The following PEPD variants were observed in gnomAD, a reference collection of about 807,000 sequenced individuals.
The protein encoded by PEPD is peptidase D, also known as xaa-Pro dipeptidase.
In PEPD, 53 loss-of-function variants were observed where a neutral mutation model predicts 60.7. The ratio of observed to expected loss-of-function variants is 0.87; its 90% CI spans 0.70 to 1.10. PEPD has a LOEUF of 1.10. Ranked by LOEUF, PEPD falls within the 50% of genes least tolerant of loss-of-function variation. The probability of loss-of-function intolerance (pLI) is 0.00; values close to 1 mark genes in which losing one functional copy is unlikely to be tolerated. For missense variants in PEPD, 711 were observed against 711.9 expected (o/e 1.00, Z 0.01); for synonymous variants, 267 against 284.1 (o/e 0.94, Z 0.60).
At chr19:33,455,768 A>C (rs902815376) in intron 9 of PEPD, among the ~76,000 whole-genome samples, 1 of 147,162 alleles carries the variant, frequency 6.8e-6, no homozygotes, top group African/African-American at 2.5e-5. Context: ...CCTGCCTTGG[A>C]CTCCCAAAGT....
rs1206599265 is a variant in PEPD, at chr19:33,391,365, GC to G, written c.1081del (p.Ala361ProfsTer97). ...VDAMVQAHLG[A>X]VFMPHGLGHF... The stretch of plus-strand genomic sequence containing the variant: ...GCCAAGCCCGTGAGGCATAAACACG[GC>G]CCCCAGGTGAGCCTGGACCATGGCG... On this transcript the variant is annotated frameshift_variant, in exon 13 of 15. Coordinates refer to ENST00000244137, the MANE Select transcript of PEPD (RefSeq NM_000285.4). LOFTEE classifies it high-confidence loss of function. 3 of 1,609,046 alleles carry G rather than the reference GC, an allele frequency of 1.9e-6. No individual in the cohort carries two copies. Among genetic ancestry groups the G allele is most frequent in the Non-Finnish European group, 2.5e-6 (3 of 1,178,200 alleles).
chr19:33,398,309 C>T (rs10418558), intron 12 of PEPD, among the ~76,000 whole-genome samples: 31,210 of 152,230 alleles, frequency 0.21, 3,607 homozygotes, highest in East Asian at 0.28. Context: ...GAGGCTCAGC[C>T]CCTTGCAGCC....
chr19:33,387,196 C>T lies in PEPD; in HGVS notation c.*148G>A. The stretch of plus-strand genomic sequence containing the variant: ...AAAAAAGTGTTTCCTCCCCGGGAAA[C>T]AGCACTGTTTGGTCTGATCAAATGC... On this transcript the variant is annotated 3_prime_UTR_variant, in exon 15 of 15. Transcript: ENST00000244137. 2 of 883,298 alleles carry T rather than the reference C, an allele frequency of 2.3e-6. No homozygotes were observed. The highest frequency in any genetic ancestry group is 1.6e-5 in the South Asian group (1 of 64,380). The allele number at this position is 883,298 out of a possible 1,614,324, so 54.7% of individuals were successfully genotyped here.
intron 9 of PEPD, among the ~76,000 whole-genome samples, chr19:33,452,608 C>T (rs1969718181): frequency 6.6e-6 from 1 of 151,932 alleles, no homozygotes; most frequent in South Asian, 2.1e-4. Context: ...AAAACAGCTA[C>T]AGATATAAAG....
chr19:33,396,972 A>T (rs1968380854), intron 12 of PEPD, among the ~76,000 whole-genome samples: 1 of 151,964 alleles, frequency 6.6e-6, no homozygotes, highest in African/African-American at 2.4e-5. Flanking sequence ...GCCTCCCCCC[A>T]TTCCCCTCAC....
intron 5 of PEPD, among the ~76,000 whole-genome samples, chr19:33,491,342 C>T (rs1249702774): frequency 6.6e-6 from 1 of 151,988 alleles, no homozygotes; most frequent in African/African-American, 2.4e-5. Flanking sequence ...CCCAGCTACT[C>T]AGGAGGCTGA....
At chr19:33,456,752 A>G (rs1019944313) in intron 9 of PEPD, among the ~76,000 whole-genome samples, 1 of 152,092 alleles carries the variant, frequency 6.6e-6, no homozygotes, top group African/African-American at 2.4e-5. Flanking sequence ...CTGGACCCAG[A>G]CTTGTTCCAA....
chr19:33,420,527 A>C (rs1464319512), intron 9 of PEPD, among the ~76,000 whole-genome samples: 1 of 152,026 alleles, frequency 6.6e-6, no homozygotes, highest in Non-Finnish European at 1.5e-5. Flanking sequence ...ACATGGTAAA[A>C]CCCGTCTCTA....
At position 33,481,423 on chromosome 19, in the gene PEPD, G is replaced by A. The variant is rs746142497; in HGVS notation, c.504-3333C>T. Among the ~76,000 whole-genome samples the A allele has an allele frequency of 1.6e-4, 25 of 151,930 alleles. No homozygotes were observed. The South Asian group carries it at 2.3e-3, about 14-fold the overall frequency. On this transcript the variant is annotated intron_variant, in intron 6 of 14. Transcript: ENST00000244137. ...CTCTACGAAAATACAAAAATTAGCCGGGCGTGGTGGCTTGTGCCTGTAGTC... is the reference window on the plus strand; with the variant it reads ...CTCTACGAAAATACAAAAATTAGCCAGGCGTGGTGGCTTGTGCCTGTAGTC...
chr19:33,401,767 C>CTCATAGA lies in PEPD; in HGVS notation c.914_920dup (p.Glu307AspfsTer3), dbSNP rs1968497386. On this transcript the variant is annotated stop_gained and frameshift_variant, in exon 12 of 15. Transcript: ENST00000244137. LOFTEE classifies it high-confidence loss of function. ...CGGCACGGGAGCTCCGCAGCACTGC[C>CTCATAGA]TCATAGACGGCCTTCTGGTCTGCAG... 1.9e-6 allele frequency: 3 copies of CTCATAGA among 1,611,316 alleles called. No homozygotes were observed. In the East Asian group the frequency reaches 6.7e-5, roughly 36 times the overall value.
chr19:33,498,475 T>G (rs1970649533), intron 4 of PEPD, among the ~76,000 whole-genome samples: 1 of 152,160 alleles, frequency 6.6e-6, no homozygotes, highest in Admixed American at 6.5e-5. Context: ...GGAGCTGAAT[T>G]TTCCCCCAGT....
chr19:33,481,819 A>G (rs189871374), intron 6 of PEPD, among the ~76,000 whole-genome samples: 73 of 152,268 alleles, frequency 4.8e-4, no homozygotes, highest in African/African-American at 1.7e-3. Flanking sequence ...GCTTGAGGTC[A>G]GGAGTTCAAG....
intron 3 of PEPD, among the ~76,000 whole-genome samples, chr19:33,506,011 A>C: frequency 8.1e-6 from 1 of 123,612 alleles, no homozygotes; most frequent in African/African-American, 3.2e-5. Context: ...ACACACCCTC[A>C]TCATACCCTA....
Position 33,484,241 on chromosome 19 carries a change from A to G in PEPD, c.503+5755T>C, listed in dbSNP as rs780460963. Among the ~76,000 whole-genome samples, 47 of 152,348 alleles carry G rather than the reference A, an allele frequency of 3.1e-4. 1 individual carries two copies. The highest frequency in any genetic ancestry group is 5.7e-4 in the Non-Finnish European group (39 of 68,032). ...AACAGGGCAGCAGGTGACATAAATC[A>G]AAACTACAAAATAGACTCTGGCTCC... On this transcript the variant is annotated intron_variant, in intron 6 of 14. Coordinates refer to ENST00000244137, the MANE Select transcript of PEPD (RefSeq NM_000285.4).
intron 3 of PEPD, among the ~76,000 whole-genome samples, chr19:33,504,906 C>T (rs574145735): frequency 1.3e-5 from 2 of 152,300 alleles, no homozygotes; most frequent in African/African-American, 4.8e-5. Flanking sequence ...GGGCTCTCGT[C>T]CTCCACAGGG....
At chr19:33,441,702 T>C (rs977968189) in intron 9 of PEPD, among the ~76,000 whole-genome samples, 2 of 152,198 alleles carry the variant, frequency 1.3e-5, no homozygotes, top group Non-Finnish European at 2.9e-5. Flanking sequence ...AGGCCGACCT[T>C]GACCCAGAGG....
At chr19:33,440,712 C>T (rs1244303909) in intron 9 of PEPD, among the ~76,000 whole-genome samples, 1 of 152,220 alleles carries the variant, frequency 6.6e-6, no homozygotes, top group Non-Finnish European at 1.5e-5. Flanking sequence ...TTTATTTTTC[C>T]ACAGTCCTGG....
At chr19:33,397,608 T>G (rs1600081790) in intron 12 of PEPD, among the ~76,000 whole-genome samples, 2 of 129,916 alleles carry the variant, frequency 1.5e-5, no homozygotes, top group African/African-American at 2.9e-5. Flanking sequence ...GTGGTAGGTG[T>G]GGGGGGGCTG....
chr19:33,404,567 C>T (rs369175373), intron 11 of PEPD, among the ~76,000 whole-genome samples: 1 of 152,198 alleles, frequency 6.6e-6, no homozygotes, highest in Non-Finnish European at 1.5e-5. Flanking sequence ...GACTCAGATC[C>T]CAGTTCCCCA....
Sources: gnomAD v4.1 joint callset for allele counts (sites outside exome capture counted in the v4.1 genomes callset) on GRCh38, gnomAD v4.1.1 for gene constraint, MANE v1.5 for transcripts, NCBI Gene and HGNC (gene_info 2026-07-23, HGNC 2026-07-21) for gene names.